ADAMTS19: variants seen among roughly 807,000 people sequenced by gnomAD.
ADAMTS19 encodes A disintegrin and metalloproteinase with thrombospondin motifs 19.
A neutral mutation model predicts 153.3 loss-of-function variants in ADAMTS19; 93 were observed. That is an observed-to-expected ratio of 0.61 (90% CI 0.51 to 0.72). The LOEUF is 0.72. ADAMTS19 is among the 30% of genes least tolerant of loss of function. The pLI, the probability that ADAMTS19 is intolerant of heterozygous loss-of-function variation, is 0.00. For missense variants in ADAMTS19, 1,482 were observed against 1,552.1 expected (o/e 0.95, Z 0.76); for synonymous variants, 600 against 556.6 (o/e 1.08, Z -1.10).
intron 21 of ADAMTS19, among the ~76,000 whole-genome samples, chr5:129,730,484 A>C (rs1337482197): frequency 6.6e-6 from 1 of 152,182 alleles, no homozygotes; most frequent in African/African-American, 2.4e-5. Context: ...CTATTGTCAT[A>C]ACAGAAATAT....
intron 2 of ADAMTS19, among the ~76,000 whole-genome samples, chr5:129,497,989 A>C (rs1750980693): frequency 6.6e-6 from 1 of 152,054 alleles, no homozygotes; most frequent in Non-Finnish European, 1.5e-5. Flanking sequence ...ATTACACTTC[A>C]AATAAAATCT....
chr5:129,535,839 TG>T (rs1368926803), intron 6 of ADAMTS19, among the ~76,000 whole-genome samples: 1 of 152,160 alleles, frequency 6.6e-6, no homozygotes, highest in Non-Finnish European at 1.5e-5. Flanking sequence ...TAAATGGTGC[TG>T]GGAAAACTGG....
At position 129,552,351 on chromosome 5, in the gene ADAMTS19, C is replaced by A. The variant is rs1055595476; in HGVS notation, c.1372+444C>A. 1.7e-4 allele frequency among the ~76,000 whole-genome samples: 26 copies of A among 151,830 alleles called. No homozygotes were observed. In the East Asian group the frequency reaches 5.0e-3, roughly 29 times the overall value. ...GTATGATTCTTCTTACATGAAGTGG[C>A]AAATTTTTCACCATTTGTATTAGAT... On this transcript the variant is annotated intron_variant, in intron 7 of 22. Transcript: ENST00000274487.
intron 3 of ADAMTS19, 120 bp downstream of exon 3, chr5:129,509,362 G>T (rs2126725803): frequency 1.1e-6 from 1 of 899,278 alleles, no homozygotes; most frequent in Non-Finnish European, 1.6e-6. Flanking sequence ...CTTTTAATTA[G>T]TAACAATTAA....
intron 13 of ADAMTS19, among the ~76,000 whole-genome samples, chr5:129,651,257 C>G (rs1036128825): frequency 6.6e-6 from 1 of 152,152 alleles, no homozygotes. Context: ...ATGTACAACT[C>G]CCTTGTTGAT....
chr5:129,588,953 A>C (rs1042680649), intron 7 of ADAMTS19, among the ~76,000 whole-genome samples: 3 of 151,636 alleles, frequency 2.0e-5, no homozygotes, highest in Non-Finnish European at 4.4e-5. Flanking sequence ...TATTGCAATG[A>C]TTATTTTAAA....
At position 129,636,258 on chromosome 5, in the gene ADAMTS19, GT is replaced by G. The variant is rs1043667986; in HGVS notation, c.1771-5599del. On this transcript the variant is annotated intron_variant, in intron 10 of 22. Transcript: ENST00000274487. ...GTTCACTCTCCAGAGACTTCAGGAAGTTGTTTTTTGTATTCTGTTCACAGTT... is the reference window on the plus strand; with the variant it reads ...GTTCACTCTCCAGAGACTTCAGGAAGTGTTTTTTGTATTCTGTTCACAGTT... Among the ~76,000 whole-genome samples the G allele has an allele frequency of 3.1e-4, 47 of 152,326 alleles. 1 individual carries two copies. Among genetic ancestry groups the G allele is most frequent in the African/African-American group, 1.0e-3 (43 of 41,584 alleles).
chr5:129,561,574 G>C (rs542004393), intron 7 of ADAMTS19, among the ~76,000 whole-genome samples: 74 of 151,840 alleles, frequency 4.9e-4, no homozygotes, highest in African/African-American at 1.7e-3. Context: ...ACTATTTTCA[G>C]ATTATTGTGC....
chr5:129,693,707 G>A (rs1755435716), intron 18 of ADAMTS19, among the ~76,000 whole-genome samples: 1 of 152,172 alleles, frequency 6.6e-6, no homozygotes, highest in African/African-American at 2.4e-5. Context: ...TAAAGGAAGT[G>A]TGCTTACAGG....
chr5:129,692,683 A>T (rs530589159), intron 18 of ADAMTS19, among the ~76,000 whole-genome samples: 2 of 152,192 alleles, frequency 1.3e-5, no homozygotes, highest in Admixed American at 1.3e-4. Context: ...TTGCCAAGCC[A>T]TGCAGCCTGC....
At chr5:129,623,861 CTGTAA>C (rs34621388) in intron 10 of ADAMTS19, among the ~76,000 whole-genome samples, 24,306 of 151,618 alleles carry the variant, frequency 0.16, 2,147 homozygotes, top group East Asian at 0.33. Context: ...TGGCTCACAC[CTGTAA>C]TCCCAGCACT....
At chr5:129,665,627 C>T (rs202138941) in intron 16 of ADAMTS19, 48 bp downstream of exon 16, 31 of 1,436,952 alleles carry the variant, frequency 2.2e-5, no homozygotes, top group Admixed American at 3.6e-5. Flanking sequence ...GAGCCCAACT[C>T]CCTGCCCTGA....
chr5:129,705,809 A>C (rs796311535), intron 21 of ADAMTS19, among the ~76,000 whole-genome samples: 1 of 152,198 alleles, frequency 6.6e-6, no homozygotes, highest in Admixed American at 6.5e-5. Flanking sequence ...GGAAGTCAAG[A>C]GATACGGAGG....
intron 7 of ADAMTS19, among the ~76,000 whole-genome samples, chr5:129,573,779 G>T (rs1346052319): frequency 6.6e-6 from 1 of 152,024 alleles, no homozygotes; most frequent in Non-Finnish European, 1.5e-5. Flanking sequence ...CTCTTCTCAA[G>T]ATTCTTTACT....
chr5:129,606,197 G>T (rs1442038458), intron 8 of ADAMTS19, among the ~76,000 whole-genome samples: 4 of 152,110 alleles, frequency 2.6e-5, no homozygotes, highest in African/African-American at 9.7e-5. Flanking sequence ...GACGTCTTGT[G>T]ACTAGTAAGC....
intron 7 of ADAMTS19, among the ~76,000 whole-genome samples, chr5:129,589,323 T>A (rs1749979396): frequency 6.6e-6 from 1 of 151,892 alleles, no homozygotes. Flanking sequence ...TTTTACTAGT[T>A]CCTTCACTGA....
intron 14 of ADAMTS19, among the ~76,000 whole-genome samples, chr5:129,656,569 A>G (rs1338356563): frequency 1.3e-5 from 2 of 152,228 alleles, no homozygotes; most frequent in Admixed American, 1.3e-4. Flanking sequence ...CCCGCACACC[A>G]GTGGTACCTC....
At chr5:129,536,498 G>T (rs1436163667) in intron 6 of ADAMTS19, among the ~76,000 whole-genome samples, 3 of 152,216 alleles carry the variant, frequency 2.0e-5, no homozygotes, top group Non-Finnish European at 2.9e-5. Flanking sequence ...GTGGAAGTCA[G>T]TGTGGCGATT....
In ADAMTS19 at chr5:129,511,652, A is replaced by G. The variant is rs79220753; in HGVS notation, c.913+2410A>G. Among the ~76,000 whole-genome samples, 692 of 151,512 alleles carry G rather than the reference A, an allele frequency of 4.6e-3. 7 individuals are homozygous for G. The highest frequency in any genetic ancestry group is 0.016 in the African/African-American group (646 of 41,366). The stretch of plus-strand genomic sequence containing the variant: ...GATCCCAAGCTCCTGAAAATGGACA[A>G]TTGAGTCTCAAAGATCAGGTAAAAC... On this transcript the variant is annotated intron_variant, in intron 3 of 22. Transcript: ENST00000274487.
Sources: gnomAD v4.1 joint callset for allele counts (sites outside exome capture counted in the v4.1 genomes callset) on GRCh38, gnomAD v4.1.1 for gene constraint, MANE v1.5 for transcripts, NCBI Gene and HGNC (gene_info 2026-07-23, HGNC 2026-07-21) for gene names.